The following KCTD1 variants were observed in gnomAD, a reference collection of about 807,000 sequenced individuals.
The protein encoded by KCTD1 is potassium channel tetramerization domain containing 1.
KCTD1 carries 24 observed loss-of-function variants against 66.0 expected under a neutral mutation model. The observed-to-expected ratio is 0.36, with a 90% CI of 0.26 to 0.51. The LOEUF (loss-of-function observed/expected upper bound fraction) is 0.51, where lower values mean the gene tolerates loss of function less well. Among genes scored for constraint, KCTD1 ranks in the 20% least tolerant of loss-of-function variants. The pLI is 0.95. For synonymous variants in KCTD1, 511 were observed against 517.2 expected (o/e 0.99, Z 0.16); for missense variants, 943 against 1,205.2 (o/e 0.78, Z 3.22).
chr18:26,532,257 C>CTTTTT (rs757573584), intron 1 of KCTD1, among the ~76,000 whole-genome samples: 6 of 128,190 alleles, frequency 4.7e-5, no homozygotes, highest in African/African-American at 2.0e-4. Context: ...TCTTTTCTTT[C>CTTTTT]CTTCTTTTTT....
intron 1 of KCTD1, among the ~76,000 whole-genome samples, chr18:26,608,338 C>G (rs1248445039): frequency 6.6e-6 from 1 of 152,178 alleles, no homozygotes; most frequent in Non-Finnish European, 1.5e-5. Context: ...TAACCACAGG[C>G]TAATTGGCAA....
chr18:26,549,531 A>T, upstream of KCTD1: 5 of 873,210 alleles, frequency 5.7e-6, no homozygotes, highest in Non-Finnish European at 6.9e-6. Context: ...GGCCACAGGG[A>T]CCCTTCCCCA....
intron 3 of KCTD1, among the ~76,000 whole-genome samples, chr18:26,462,966 AG>A (rs1048211651): frequency 3.9e-5 from 6 of 152,098 alleles, no homozygotes; most frequent in Admixed American, 1.3e-4. Flanking sequence ...CTTGTTTCCA[AG>A]GTACTTGGTG....
intron 1 of KCTD1, among the ~76,000 whole-genome samples, chr18:26,601,998 C>T (rs1598961748): frequency 6.6e-6 from 1 of 152,122 alleles, no homozygotes; most frequent in East Asian, 1.9e-4. Context: ...CCTAATTGCC[C>T]TTACCAGAAC....
At chr18:26,651,610 C>T (rs1341715992) in intron 1 of KCTD1, among the ~76,000 whole-genome samples, 1 of 151,606 alleles carries the variant, frequency 6.6e-6, no homozygotes, top group Non-Finnish European at 1.5e-5. Context: ...ATGGTGAAAC[C>T]CCACCTCTAC....
At chr18:26,535,389 C>A (rs781313562) in intron 1 of KCTD1, among the ~76,000 whole-genome samples, 1 of 152,040 alleles carries the variant, frequency 6.6e-6, no homozygotes, top group African/African-American at 2.4e-5. Flanking sequence ...CTGGTCCCAG[C>A]GAGCGTCAGA....
intron 1 of KCTD1, among the ~76,000 whole-genome samples, chr18:26,618,616 T>C (rs570871862): frequency 4.5e-4 from 68 of 152,366 alleles, no homozygotes; most frequent in Admixed American, 2.2e-3. Context: ...TGTGGGCCAA[T>C]TTAATTTACA....
intron 3 of KCTD1, among the ~76,000 whole-genome samples, chr18:26,469,989 A>C (rs1980965672): frequency 6.6e-6 from 1 of 152,250 alleles, no homozygotes; most frequent in Non-Finnish European, 1.5e-5. Context: ...TAATGCAGCA[A>C]GGAAGTGAAG....
intron 1 of KCTD1, among the ~76,000 whole-genome samples, chr18:26,635,299 G>A (rs1987700812): frequency 2.0e-5 from 3 of 152,206 alleles, no homozygotes. Flanking sequence ...AATGATAAGA[G>A]TTTCCCTGCC....
At chr18:26,534,365 C>G (rs1194375354) in intron 1 of KCTD1, among the ~76,000 whole-genome samples, 1 of 151,962 alleles carries the variant, frequency 6.6e-6, no homozygotes, top group Non-Finnish European at 1.5e-5. Flanking sequence ...TTTCTCTAAA[C>G]TTTAGTTTTT....
intron 1 of KCTD1, among the ~76,000 whole-genome samples, chr18:26,559,508 G>A (rs1985794875): frequency 6.6e-6 from 1 of 152,198 alleles, no homozygotes; most frequent in Non-Finnish European, 1.5e-5. Flanking sequence ...TGATTATGCT[G>A]CTGCTGGTTC....
At chr18:26,484,062 T>A (rs1981788611) in intron 2 of KCTD1, among the ~76,000 whole-genome samples, 1 of 152,226 alleles carries the variant, frequency 6.6e-6, no homozygotes, top group Non-Finnish European at 1.5e-5. Context: ...GTGTAAAAAA[T>A]ATCATCAGTC....
At chr18:26,463,541 GT>G (rs60244592) in intron 3 of KCTD1, among the ~76,000 whole-genome samples, 108,944 of 146,676 alleles carry the variant, frequency 0.74, 41,817 homozygotes, top group East Asian at 0.93. Context: ...TTAGAATACG[GT>G]TTTTTTTTTT....
At chr18:26,563,939 T>C (rs1985921041) in intron 1 of KCTD1, among the ~76,000 whole-genome samples, 1 of 152,050 alleles carries the variant, frequency 6.6e-6, no homozygotes, top group Admixed American at 6.5e-5. Flanking sequence ...CTCCTTTGGT[T>C]CCCCAGCACT....
intron 2 of KCTD1, among the ~76,000 whole-genome samples, chr18:26,479,235 G>C (rs1981502628): frequency 6.6e-6 from 1 of 152,222 alleles, no homozygotes; most frequent in African/African-American, 2.4e-5. Context: ...GGGAGAAGTG[G>C]ACTCTTCAGG....
intron 1 of KCTD1, among the ~76,000 whole-genome samples, chr18:26,627,837 A>G (rs1440751551): frequency 1.3e-5 from 2 of 152,222 alleles, no homozygotes. Flanking sequence ...GGCCACTCTT[A>G]ATAGAAGCCA....
chr18:26,617,003 A>C (rs753506893), intron 1 of KCTD1, among the ~76,000 whole-genome samples: 1 of 152,210 alleles, frequency 6.6e-6, no homozygotes, highest in African/African-American at 2.4e-5. Context: ...AAACCTTGCC[A>C]TTATTATTAT....
intron 1 of KCTD1, among the ~76,000 whole-genome samples, chr18:26,615,090 AT>A (rs1987220372): frequency 6.6e-6 from 1 of 152,244 alleles, no homozygotes; most frequent in Non-Finnish European, 1.5e-5. Context: ...AGTGAAACAA[AT>A]CATAACATCC....
chr18:26,616,288 C>T (rs563834558), intron 1 of KCTD1, among the ~76,000 whole-genome samples: 49 of 151,914 alleles, frequency 3.2e-4, no homozygotes, highest in Non-Finnish European at 5.0e-4. Context: ...CCATCCTCTC[C>T]CCTAAATTTA....
Sources: allele counts gnomAD v4.1 joint callset (sites outside exome capture counted in the v4.1 genomes callset), GRCh38; gene constraint gnomAD v4.1.1; transcripts MANE v1.5; gene names NCBI Gene and HGNC (gene_info 2026-07-23, HGNC 2026-07-21).